MEX3A: variants seen among roughly 807,000 people sequenced by gnomAD.
MEX3A encodes mex-3 RNA binding family member A, also known as RNA-binding protein MEX3A.
Under a neutral mutation model 30.0 loss-of-function variants are expected in MEX3A, and 4 were observed. The ratio of observed to expected loss-of-function variants is 0.13; its 90% confidence interval spans 0.07 to 0.30. The LOEUF (loss-of-function observed/expected upper bound fraction) is 0.30. Ranked by LOEUF, MEX3A falls within the 10% of genes least tolerant of loss-of-function variation. The pLI is 1.00. For synonymous variants in MEX3A, 335 were observed against 327.6 expected, an observed-to-expected ratio of 1.02 and a Z score of -0.24; for missense variants, 555 against 736.7, an observed-to-expected ratio of 0.75 and a Z score of 2.86.
chr1:156,078,853 C>T (rs1648142692), intron 1 of MEX3A, among the ~76,000 whole-genome samples: 1 of 152,124 alleles, frequency 6.6e-6, no homozygotes, highest in South Asian at 2.1e-4. Context: ...CACTTTTATA[C>T]ACCTCTTTCA....
Position 156,076,901 on chromosome 1 carries a change from G to A in MEX3A, c.1236C>T (p.Ser412=). Residue 412 remains serine, a synonymous_variant, in exon 2 of 2, where the codon TCC becomes TCT. Coordinates refer to ENST00000532414, the MANE Select transcript of MEX3A (RefSeq NM_001093725.2). This position sits in a 1 kb window ranked among gnomAD's most constrained non-coding sequence, Gnocchi z 6.0. ...CAGCGCGGGCCTTGGCGGAAGAGGAGGAGGAGGAGGAGGCAGAGGAGAAGA... is the reference window on the plus strand; with the variant it reads ...CAGCGCGGGCCTTGGCGGAAGAGGAAGAGGAGGAGGAGGCAGAGGAGAAGA... ...SVLFSSASSS[S]SSSAKARAGP... The A allele has an allele frequency of 2.6e-6, 4 of 1,563,802 alleles. No homozygotes were observed. The highest frequency in any genetic ancestry group is 3.5e-6 in the Non-Finnish European group (4 of 1,154,702).
At chr1:156,081,095 C>T (rs1648215313) in intron 1 of MEX3A, among the ~76,000 whole-genome samples, 1 of 152,148 alleles carries the variant, frequency 6.6e-6, no homozygotes, top group Non-Finnish European at 1.5e-5. Flanking sequence ...AGTCTGGCTT[C>T]GAGGGCCAGG....
In MEX3A at chr1:156,081,952, A is replaced by G; in HGVS notation, c.47T>C (p.Phe16Ser). 1 of 1,537,606 alleles carries G rather than the reference A, an allele frequency of 6.5e-7. No individual in the cohort carries two copies. Among genetic ancestry groups the G allele is most frequent in the Non-Finnish European group, 8.8e-7 (1 of 1,140,406 alleles). The change falls in exon 1 of 2, where the codon TTT becomes TCT. Residue 16 changes from phenylalanine (F) to serine (S), a missense_variant. Phe to Ser is a radical substitution (Grantham distance 155, BLOSUM62 -2). Coordinates refer to ENST00000532414, the MANE Select transcript of MEX3A (RefSeq NM_001093725.2). The stretch of plus-strand genomic sequence containing the variant: ...TCCCCCGAAACATCCTAGTTCTCCA[A>G]AGCCCCCATTTCTTTCCATTATTCC... Reference protein sequence around the residue: ...VSGIMERNGGFGELGCFGGSA... With the variant: ...VSGIMERNGGSGELGCFGGSA...
chr1:156,078,455 C>T (rs565308138), intron 1 of MEX3A, among the ~76,000 whole-genome samples: 7 of 152,228 alleles, frequency 4.6e-5, no homozygotes, highest in African/African-American at 1.7e-4. Flanking sequence ...CCCCTGGGGG[C>T]AAGACAGCTG....
rs534324727 is a variant in MEX3A at position 156,077,006 on chromosome 1, C to T, written c.1131G>A (p.Lys377=). The change falls in exon 2 of 2, where the codon AAG becomes AAA. Residue 377 remains lysine (K), a synonymous_variant. Coordinates refer to ENST00000532414, the MANE Select transcript of MEX3A (RefSeq NM_001093725.2). This position sits in a 1 kb window ranked among gnomAD's most constrained non-coding sequence, Gnocchi z 8.3. ...CGGCCACGCCGTAGTACACATCCTG[C>T]TTGCCCACGCCATAGCCCGGAAAGA... ...GYLFPGYGVG[K]QDVYYGVAET... 4.3e-6 allele frequency: 7 copies of T among 1,613,540 alleles called. No individual in the cohort carries two copies. Among genetic ancestry groups the T allele is most frequent in the South Asian group, 1.1e-5 (1 of 91,078 alleles).
At position 156,076,688 on chromosome 1, in the gene MEX3A, G is replaced by A; in HGVS notation, c.1449C>T (p.Pro483=). Residue 483 remains proline (P), a synonymous_variant, in exon 2 of 2, where the codon CCC becomes CCT. Coordinates refer to ENST00000532414, the MANE Select transcript of MEX3A (RefSeq NM_001093725.2). The surrounding 1 kb of genome is among the most constrained non-coding windows in gnomAD (Gnocchi z 6.0). ...FESEVTAALV[P]CGHNLFCMEC... is the part of the protein sequence containing the mutation. ...CCATGCAGAACAGGTTGTGTCCGCA[G>A]GGCACAAGGGCGGCAGTCACTTCGC... 1 of 1,614,002 alleles carries A rather than the reference G, an allele frequency of 6.2e-7. No homozygotes were observed. The highest frequency in any genetic ancestry group is 8.5e-7 in the Non-Finnish European group (1 of 1,179,882).
chr1:156,078,145 A>C (rs1052503114), intron 1 of MEX3A, among the ~76,000 whole-genome samples: 9 of 152,172 alleles, frequency 5.9e-5, no homozygotes, highest in African/African-American at 1.7e-4. Flanking sequence ...CTTTCCACAG[A>C]ACCCCAATGT....
At position 156,074,768 on chromosome 1, in the gene MEX3A, G is replaced by A. The variant is rs1572297400; in HGVS notation, c.*1806C>T. ...GGCGGGAAGGAGGGAAGTCGTCACAGGGCAGTTTTCTTGGCTGTGACCTCC... is the reference window on the plus strand; with the variant it reads ...GGCGGGAAGGAGGGAAGTCGTCACAAGGCAGTTTTCTTGGCTGTGACCTCC... On this transcript the variant is annotated 3_prime_UTR_variant, in exon 2 of 2. Coordinates refer to ENST00000532414, the MANE Select transcript of MEX3A (RefSeq NM_001093725.2). The A allele has an allele frequency of 6.6e-6, 1 of 152,566 alleles. No homozygotes were observed. The highest frequency in any genetic ancestry group is 6.5e-5 in the Admixed American group (1 of 15,268). The allele number at this position is 152,566 out of a possible 1,614,324, so 9.5% of individuals were successfully genotyped here.
At chr1:156,081,140 G>T (rs1648218090) in intron 1 of MEX3A, among the ~76,000 whole-genome samples, 1 of 152,086 alleles carries the variant, frequency 6.6e-6, no homozygotes, top group Non-Finnish European at 1.5e-5. Context: ...GGCGGCTGGG[G>T]GCCCCAGGGA....
At chr1:156,078,551 G>A (rs2102777339) in intron 1 of MEX3A, among the ~76,000 whole-genome samples, 1 of 152,224 alleles carries the variant, frequency 6.6e-6, no homozygotes, top group East Asian at 1.9e-4. Context: ...AAAGCTGGGA[G>A]GTTAGGGAAA....
rs1489414219 is a variant in MEX3A at position 156,072,835 on chromosome 1, T to C, written c.*3739A>G. The C allele has an allele frequency of 2.0e-5, 3 of 152,444 alleles. No homozygotes were observed. Among genetic ancestry groups the C allele is most frequent in the Non-Finnish European group, 4.4e-5 (3 of 68,052 alleles). The allele number at this position is 152,444 out of a possible 1,614,324, so 9.4% of individuals were successfully genotyped here. ...CTCCCAGGCCTTCAAGGACAGTGTT[T>C]CCACTCCACTCCGTGGGAAGTCCTT... On this transcript the variant is annotated 3_prime_UTR_variant, in exon 2 of 2. Transcript: ENST00000532414.
Position 156,077,204 on chromosome 1 carries a change from T to C in MEX3A, c.933A>G (p.Ala311=). Reference sequence around the variant, plus strand: ...CGTCGGAGTAGCGGCTATCGATTGCTGCGTCGGGGCTCCCCGCCAGGAAGT... The same window carrying C: ...CGTCGGAGTAGCGGCTATCGATTGCCGCGTCGGGGCTCCCCGCCAGGAAGT... The part of the protein sequence containing the change: ...ENDFLAGSPD[A]AIDSRYSDAW... The change falls in exon 2 of 2, where the codon GCA becomes GCG. Residue 311 remains alanine (A), a synonymous_variant. Coordinates refer to ENST00000532414, the MANE Select transcript of MEX3A (RefSeq NM_001093725.2). The surrounding 1 kb of genome is among the most constrained non-coding windows in gnomAD (Gnocchi z 8.3). 6.2e-7 allele frequency: 1 copy of C among 1,613,574 alleles called. No homozygotes were observed. The highest frequency in any genetic ancestry group is 8.5e-7 in the Non-Finnish European group (1 of 1,179,820).
At position 156,076,804 on chromosome 1, in the gene MEX3A, G is replaced by C. The variant is rs1193302545; in HGVS notation, c.1333C>G (p.Pro445Ala). The change falls in exon 2 of 2, where the codon CCG (proline) becomes GCG (alanine). Residue 445 changes from proline to alanine, a missense_variant. Transcript: ENST00000532414. The surrounding 1 kb of genome is among the most constrained non-coding windows in gnomAD (Gnocchi z 6.0). ...PELAGLPRRP[P>A]GEPLQGFSKL... is the part of the protein sequence containing the mutation. ...GAGAAGCCCTGGAGCGGCTCTCCCG[G>C]GGGGCGCCTCGGGAGTCCGGCCAGC... is the stretch of plus-strand genomic sequence containing the variant. The C allele has an allele frequency of 3.8e-6, 6 of 1,560,862 alleles. No individual in the cohort carries two copies. The highest frequency in any genetic ancestry group is 1.9e-5 in the Admixed American group (1 of 51,636).
intron 1 of MEX3A, among the ~76,000 whole-genome samples, chr1:156,079,585 A>G (rs1648164167): frequency 6.6e-6 from 1 of 152,152 alleles, no homozygotes; most frequent in Admixed American, 6.6e-5. Context: ...CAGACCTCTT[A>G]GCAGTTATGA....
chr1:156,081,268 T>C (rs1252505905), intron 1 of MEX3A, among the ~76,000 whole-genome samples: 1 of 152,200 alleles, frequency 6.6e-6, no homozygotes, highest in East Asian at 1.9e-4. Flanking sequence ...CCTCCCTGGA[T>C]TGGGAGACCG....
Position 156,075,088 on chromosome 1 carries a change from G to C in MEX3A, c.*1486C>G, listed in dbSNP as rs868250649. The C allele has an allele frequency of 6.6e-6, 1 of 152,374 alleles. No individual in the cohort carries two copies. Among genetic ancestry groups the C allele is most frequent in the African/African-American group, 2.4e-5 (1 of 41,404 alleles). 9.4% of individuals were successfully genotyped at this position (152,374 alleles called of 1,614,324 possible). A position where few individuals can be genotyped will look rare whatever the true frequency, so the allele number is the denominator to read the frequency against. ...AATGAGCAGGAGGGAAGCAGCAAAG[G>C]GGGTGCAAGGCCTGTAACAATATGT... On this transcript the variant is annotated 3_prime_UTR_variant, in exon 2 of 2. Transcript: ENST00000532414.
rs1243934306 is a variant in MEX3A, at chr1:156,081,579, G to C, written c.420C>G (p.Thr140=). 1 of 1,596,762 alleles carries C rather than the reference G, an allele frequency of 6.3e-7. No homozygotes were observed. The highest frequency in any genetic ancestry group is 8.5e-7 in the Non-Finnish European group (1 of 1,173,828). ...SNTTECVPVP[T]SEHVAEIVGR... ...CCACGATCTCGGCCACGTGCTCGGA[G>C]GTGGGCACGGGAACACACTCCGTGG... The change falls in exon 1 of 2, where the codon ACC becomes ACG. Residue 140 remains threonine (T), a synonymous_variant. Transcript: ENST00000532414.
rs1647981182 is a variant in MEX3A, at chr1:156,073,795, C to T, written c.*2779G>A. 1 of 152,620 alleles carries T rather than the reference C, an allele frequency of 6.6e-6. No individual in the cohort carries two copies. Among genetic ancestry groups the T allele is most frequent in the Non-Finnish European group, 1.5e-5 (1 of 68,026 alleles). 9.5% of individuals were successfully genotyped at this position (152,620 alleles called of 1,614,324 possible). A position where few individuals can be genotyped will look rare whatever the true frequency, so the allele number is the denominator to read the frequency against. On this transcript the variant is annotated 3_prime_UTR_variant, in exon 2 of 2. Transcript: ENST00000532414. ...CACATCTCTGAGGGTTCCTATAGGC[C>T]TGCTAGGCCTTAATTCTGGATTCCC...
rs1381050476 is a variant in MEX3A, at chr1:156,075,621, G to A, written c.*953C>T. The A allele has an allele frequency of 6.5e-6, 1 of 152,778 alleles. No individual in the cohort carries two copies. Among genetic ancestry groups the A allele is most frequent in the Non-Finnish European group, 1.5e-5 (1 of 68,082 alleles). The allele number at this position is 152,778 out of a possible 1,614,324, so 9.5% of individuals were successfully genotyped here. A position where few individuals can be genotyped will look rare whatever the true frequency, so the allele number is the denominator to read the frequency against. Reference sequence around the variant, plus strand: ...GAGAGGGCCTCCAGATGCCTGAAGAGGAATGGAGGGACCATCCAAATATTC... The same window carrying A: ...GAGAGGGCCTCCAGATGCCTGAAGAAGAATGGAGGGACCATCCAAATATTC... On this transcript the variant is annotated 3_prime_UTR_variant, in exon 2 of 2. Coordinates refer to ENST00000532414, the MANE Select transcript of MEX3A (RefSeq NM_001093725.2).
Sources: gnomAD v4.1 joint callset for allele counts (sites outside exome capture counted in the v4.1 genomes callset) on GRCh38, gnomAD v4.1.1 for gene constraint, Gnocchi (gnomAD v3.1) non-coding constraint, MANE v1.5 for transcripts, NCBI Gene and HGNC (gene_info 2026-07-23, HGNC 2026-07-21) for gene names.